KRT77: variants seen among roughly 807,000 people sequenced by gnomAD.
KRT77 encodes keratin 77, also known as keratin, type II cytoskeletal 1b.
A neutral mutation model predicts 51.5 loss-of-function variants in KRT77; 44 were observed. The ratio of observed to expected loss-of-function variants is 0.85; its 90% CI spans 0.67 to 1.10. KRT77 has a LOEUF of 1.10. KRT77 is among the 50% of genes least tolerant of loss of function. KRT77 has a pLI of 0.00. For synonymous variants in KRT77, 293 were observed against 302.0 expected (o/e 0.97, Z 0.31); for missense variants, 763 against 743.9 (o/e 1.03, Z -0.30).
At position 52,695,720 on chromosome 12, in the gene KRT77, T is replaced by A. The variant is rs1347426600; in HGVS notation, c.915+52A>T. Reference sequence around the variant, plus strand: ...AGGCCTCCCCTCTTACAGCCCATACTCCTTGTGAGATGTGAGAAAAGAAAG... The same window carrying A: ...AGGCCTCCCCTCTTACAGCCCATACACCTTGTGAGATGTGAGAAAAGAAAG... On this transcript the variant is annotated intron_variant, in intron 4 of 8. Transcript: ENST00000341809. The A allele has an allele frequency of 2.3e-6, 3 of 1,307,540 alleles. No homozygotes were observed. In the East Asian group the frequency reaches 6.9e-5, roughly 30 times the overall value. The allele number at this position is 1,307,540 out of a possible 1,614,324, so 81.0% of individuals were successfully genotyped here. A position where few individuals can be genotyped will look rare whatever the true frequency, so the allele number is the denominator to read the frequency against.
chr12:52,694,378 T>C (rs937950961), intron 5 of KRT77, among the ~76,000 whole-genome samples: 27 of 152,202 alleles, frequency 1.8e-4, no homozygotes, highest in African/African-American at 6.5e-4. Flanking sequence ...GCAGTTCTCG[T>C]CATTACTTTT....
chr12:52,692,994 G>T, intron 5 of KRT77, 114 bp from the exon 6 acceptor site: 1 of 1,248,582 alleles, frequency 8.0e-7, no homozygotes, highest in Non-Finnish European at 1.1e-6. Flanking sequence ...CTTGCACTGT[G>T]GTCACCCCTA....
At chr12:52,693,087 G>A (rs1565652286) in intron 5 of KRT77, among the ~76,000 whole-genome samples, 1 of 150,554 alleles carries the variant, frequency 6.6e-6, no homozygotes, top group Non-Finnish European at 1.5e-5. Flanking sequence ...ACTATCCCAA[G>A]CCTCCCGCAT....
chr12:52,695,873 T>C lies in KRT77; in HGVS notation c.820-6A>G. ...ACATAAGCAGCATCCACATCCTGAA[T>C]AGCAGGCAGAAACAGTTTGACTTTA... On this transcript the variant is annotated splice_region_variant and splice_polypyrimidine_tract_variant and intron_variant, in intron 3 of 8. Coordinates refer to ENST00000341809, the MANE Select transcript of KRT77 (RefSeq NM_175078.3). 6.3e-7 allele frequency: 1 copy of C among 1,588,906 alleles called. No individual in the cohort carries two copies.
chr12:52,691,992 G>A lies in KRT77; in HGVS notation c.1428-20C>T, dbSNP rs202170576. ...GACATCCTGTAAAACCAAAGCACACGGTCAGCCAGACCCACAGGGCCTGAG... is the reference window on the plus strand; with the variant it reads ...GACATCCTGTAAAACCAAAGCACACAGTCAGCCAGACCCACAGGGCCTGAG... On this transcript the variant is annotated intron_variant, in intron 7 of 8. Transcript: ENST00000341809. The A allele has an allele frequency of 5.2e-5, 84 of 1,613,738 alleles. No individual in the cohort carries two copies. In the African/African-American group the frequency reaches 8.4e-4, roughly 16 times the overall value.
chr12:52,697,813 G>A lies in KRT77; in HGVS notation c.627C>T (p.Asn209=). ...AGTTCTCCAAGAGGGGCTCCAGGTT[G>A]TTGGTTCCAGTTGAGGTGTTCACCT... The part of the protein sequence containing the change: ...LQQVNTSTGT[N]NLEPLLENYI... Residue 209 remains asparagine (N), a synonymous_variant, in exon 2 of 9, where the codon AAC becomes AAT. Coordinates refer to ENST00000341809, the MANE Select transcript of KRT77 (RefSeq NM_175078.3). 3.1e-6 allele frequency: 5 copies of A among 1,614,110 alleles called. No individual in the cohort carries two copies. Among genetic ancestry groups the A allele is most frequent in the Non-Finnish European group, 4.2e-6 (5 of 1,179,992 alleles).
At position 52,692,746 on chromosome 12, in the gene KRT77, C is replaced by A. The variant is rs1941734533; in HGVS notation, c.1206+9G>T. 1 of 1,603,572 alleles carries A rather than the reference C, an allele frequency of 6.2e-7. No individual in the cohort carries two copies. Among genetic ancestry groups the A allele is most frequent in the African/African-American group, 1.3e-5 (1 of 74,662 alleles). On this transcript the variant is annotated intron_variant, in intron 6 of 8. Coordinates refer to ENST00000341809, the MANE Select transcript of KRT77 (RefSeq NM_175078.3). Reference sequence around the variant, plus strand: ...GGCTTGGTCAGCCCTCCCTAAGCACCCGTCCCACCTGCTTCTTCACGTTGC... The same window carrying A: ...GGCTTGGTCAGCCCTCCCTAAGCACACGTCCCACCTGCTTCTTCACGTTGC...
chr12:52,700,371 C>T (rs926300577), intron 1 of KRT77, among the ~76,000 whole-genome samples: 11 of 152,016 alleles, frequency 7.2e-5, no homozygotes, highest in Admixed American at 4.6e-4. Flanking sequence ...CACACAGGGC[C>T]GGGGCATAGG....
rs759893804 is a variant in KRT77, at chr12:52,691,192, G to A, written c.1710C>T (p.Asn570=). ...SRVQIIQTST[N]TSHRRILE is the part of the protein sequence containing the mutation. ...ACTCCAAGATCCGCCTGTGGGAGGT[G>A]TTGGTGGAGGTCTGGATGATCTGCA... is the stretch of plus-strand genomic sequence containing the variant. The change falls in exon 9 of 9, where the codon AAC becomes AAT. Residue 570 remains asparagine (N), a synonymous_variant. Coordinates refer to ENST00000341809, the MANE Select transcript of KRT77 (RefSeq NM_175078.3). The A allele has an allele frequency of 2.7e-5, 43 of 1,614,158 alleles. No homozygotes were observed. Among genetic ancestry groups the A allele is most frequent in the Non-Finnish European group, 3.6e-5 (42 of 1,180,012 alleles).
intron 1 of KRT77, 98 bp from the exon 2 acceptor site, chr12:52,697,994 G>C (rs1941825962): frequency 7.0e-7 from 1 of 1,419,022 alleles, no homozygotes; most frequent in South Asian, 1.2e-5. Context: ...CCAGACCTCA[G>C]AGAATCAGGA....
chr12:52,695,648 G>A (rs564364545), intron 4 of KRT77, 124 bp downstream of exon 4: 3 of 645,420 alleles, frequency 4.6e-6, no homozygotes, highest in East Asian at 2.8e-5. Flanking sequence ...ACAGAGTTGG[G>A]GTACCTGGGG....
intron 8 of KRT77, 133 bp from the exon 9 acceptor site, chr12:52,691,572 A>T: frequency 9.4e-7 from 1 of 1,067,200 alleles, no homozygotes; most frequent in Non-Finnish European, 1.3e-6. Context: ...ATACATTGAA[A>T]ATTGAAAGTG....
chr12:52,696,531 C>T (rs1417099488), intron 2 of KRT77, 101 bp from the exon 3 acceptor site: 6 of 979,400 alleles, frequency 6.1e-6, no homozygotes, highest in African/African-American at 4.8e-5. Context: ...CAAACATTTG[C>T]TGTCCTGGGT....
At chr12:52,693,805 A>G in intron 5 of KRT77, 1 of 151,008 alleles carries the variant, frequency 6.6e-6, no homozygotes, top group East Asian at 1.9e-4. Flanking sequence ...GTGTCACAGA[A>G]AAGTATCCAT....
In KRT77 at chr12:52,694,490, C is replaced by G. The variant is rs995091842; in HGVS notation, c.1080+136G>C. ...ATAGCGGTAGTGAGAGATGGGTAAT[C>G]TTTACATGTAATTTCTAGAATTTGT... On this transcript the variant is annotated intron_variant, in intron 5 of 8. Coordinates refer to ENST00000341809, the MANE Select transcript of KRT77 (RefSeq NM_175078.3). The G allele has an allele frequency of 1.1e-5, 9 of 795,382 alleles. No homozygotes were observed. The Middle Eastern group carries it at 1.2e-3, about 103-fold the overall frequency. The allele number at this position is 795,382 out of a possible 1,614,324, so 49.3% of individuals were successfully genotyped here. A position where few individuals can be genotyped will look rare whatever the true frequency, so the allele number is the denominator to read the frequency against.
Position 52,697,684 on chromosome 12 carries a change from G to T in KRT77, c.756C>A (p.Ser252Arg), listed in dbSNP as rs1327835642. 1 of 1,609,820 alleles carries T rather than the reference G, an allele frequency of 6.2e-7. No individual in the cohort carries two copies. The highest frequency in any genetic ancestry group is 1.1e-5 in the South Asian group (1 of 90,988). The change falls in exon 2 of 9, where the codon AGC becomes AGA. Residue 252 changes from serine to arginine, a missense_variant and splice_region_variant. Ser to Arg is a moderately radical substitution (Grantham distance 110). Coordinates refer to ENST00000341809, the MANE Select transcript of KRT77 (RefSeq NM_175078.3). ...SMQDVVEDYKSKYEDEINKRT... is the reference protein window; with the variant it reads ...SMQDVVEDYKRKYEDEINKRT... ...TTTTGCCCTGCCTGGAGTCTCACTT[G>T]CTCTTGTAGTCCTCCACGACATCCT...
rs1941734045 is a variant in KRT77, at chr12:52,692,730, A to G, written c.1206+25T>C. The G allele has an allele frequency of 1.2e-6, 2 of 1,602,652 alleles. 1 individual carries two copies. Among genetic ancestry groups the G allele is most frequent in the Non-Finnish European group, 1.7e-6 (2 of 1,170,558 alleles). On this transcript the variant is annotated intron_variant, in intron 6 of 8. Transcript: ENST00000341809. ...ATTGTAGGAGGTGCAGGGCTTGGTC[A>G]GCCCTCCCTAAGCACCCGTCCCACC... is the stretch of plus-strand genomic sequence containing the variant.
In KRT77 at chr12:52,695,781, TA is replaced by T. The variant is rs755121306; in HGVS notation, c.905del (p.Leu302TyrfsTer3). On this transcript the variant is annotated frameshift_variant, in exon 4 of 9. Coordinates refer to ENST00000341809, the MANE Select transcript of KRT77 (RefSeq NM_175078.3). LOFTEE classifies it high-confidence loss of function. ...TAAAGGCTTAACTCACCGTCAAAAA[TA>T]AATATTTCAAGAAATTGACCTCCCC... is the stretch of plus-strand genomic sequence containing the variant. The part of the protein sequence containing the change: ...LTGEVNFLKY[L>X]FLTELSQVQT... The T allele has an allele frequency of 1.8e-5, 29 of 1,611,754 alleles. No individual in the cohort carries two copies. The African/African-American group carries it at 3.9e-4, about 22-fold the overall frequency.
rs112089646 is a variant in KRT77, at chr12:52,694,355, T to G, written c.1080+271A>C. On this transcript the variant is annotated intron_variant, in intron 5 of 8. Transcript: ENST00000341809. ...TTCTCAATAAACATTATTGGGTTTT[T>G]GCAAAAGTAATTGCAGTTCTCGTCA... Among the ~76,000 whole-genome samples the G allele has an allele frequency of 4.5e-3, 689 of 152,358 alleles. 6 individuals carry two copies. Among genetic ancestry groups the G allele is most frequent in the African/African-American group, 0.016 (651 of 41,596 alleles).
Sources: allele counts gnomAD v4.1 joint callset (sites outside exome capture counted in the v4.1 genomes callset), GRCh38; gene constraint gnomAD v4.1.1; transcripts MANE v1.5; gene names NCBI Gene and HGNC (gene_info 2026-07-23, HGNC 2026-07-21).